WWOX: variants seen among roughly 807,000 people sequenced by gnomAD.
The protein encoded by WWOX is WW domain containing oxidoreductase.
A neutral mutation model predicts 46.2 loss-of-function variants in WWOX; 69 were observed. The observed-to-expected ratio is 1.49, with a 90% CI of 1.23 to 1.82. The LOEUF (loss-of-function observed/expected upper bound fraction) is 1.82. WWOX is among the 40% of genes most tolerant of loss of function. The pLI, the probability that WWOX is intolerant of heterozygous loss-of-function variation, is 0.00. For missense variants in WWOX, 919 were observed against 542.6 expected (o/e 1.69, Z -6.89); for synonymous variants, 359 against 202.6 (o/e 1.77, Z -6.56).
At chr16:78,770,636 G>A (rs570666984) in intron 8 of WWOX, among the ~76,000 whole-genome samples, 11 of 152,288 alleles carry the variant, frequency 7.2e-5, no homozygotes, top group African/African-American at 2.4e-4. Flanking sequence ...CTGCAGGGGT[G>A]GAGTGCCGGG....
chr16:79,132,744 A>C (rs2049906403), intron 8 of WWOX, among the ~76,000 whole-genome samples: 1 of 152,226 alleles, frequency 6.6e-6, no homozygotes, highest in Non-Finnish European at 1.5e-5. Flanking sequence ...AAGCACACTC[A>C]AGCCTCTTTA....
At chr16:79,057,755 A>C (rs74034330) in intron 8 of WWOX, among the ~76,000 whole-genome samples, 5,205 of 152,276 alleles carry the variant, frequency 0.034, 290 homozygotes, top group African/African-American at 0.12. Context: ...ATAGGTGGTC[A>C]AGAATTTAGA....
At chr16:78,857,266 C>A (rs1018878992) in intron 8 of WWOX, among the ~76,000 whole-genome samples, 1 of 152,100 alleles carries the variant, frequency 6.6e-6, no homozygotes, top group Admixed American at 6.5e-5. Flanking sequence ...TGAAAAAATT[C>A]TCAACTTTAT....
At chr16:78,955,967 T>A (rs1049718224) in intron 8 of WWOX, among the ~76,000 whole-genome samples, 2 of 150,642 alleles carry the variant, frequency 1.3e-5, no homozygotes, top group Non-Finnish European at 3.0e-5. Flanking sequence ...CTTTTCACTT[T>A]AGAAAAAAAC....
intron 5 of WWOX, among the ~76,000 whole-genome samples, chr16:78,334,819 CACACACACACACAT>C (rs1385493038): frequency 0.067 from 6,107 of 90,796 alleles, 251 homozygotes; most frequent in African/African-American, 0.16. Context: ...CACACACACA[CACACACACACACAT>C]ACACACACAC....
chr16:78,950,417 T>C (rs1226539194), intron 8 of WWOX, among the ~76,000 whole-genome samples: 1 of 152,034 alleles, frequency 6.6e-6, no homozygotes, highest in African/African-American at 2.4e-5. Flanking sequence ...CTTTTTTGCC[T>C]TGTCAGCTCC....
intron 8 of WWOX, among the ~76,000 whole-genome samples, chr16:78,920,352 T>C (rs1336830408): frequency 6.6e-6 from 1 of 152,150 alleles, no homozygotes; most frequent in Non-Finnish European, 1.5e-5. Context: ...CACAATAACA[T>C]TGTCTCCCAT....
chr16:78,346,113 A>C (rs934617742), intron 5 of WWOX, among the ~76,000 whole-genome samples: 1 of 121,324 alleles, frequency 8.2e-6, no homozygotes, highest in East Asian at 1.9e-4. Flanking sequence ...AATTTTAGAT[A>C]AGTGAAGTTT....
chr16:78,578,282 A>ATTTTTTTTTTTTTTTTTT lies in WWOX; in HGVS notation c.1056+145531_1056+145532insTTTTTTTTTTTTTTTTTT, dbSNP rs1227489730. Among the ~76,000 whole-genome samples, 2 of 34,218 alleles carry ATTTTTTTTTTTTTTTTTT rather than the reference A, an allele frequency of 5.8e-5. 1 individual carries two copies. The highest frequency in any genetic ancestry group is 2.8e-4 in the African/African-American group (2 of 7,108). The allele number at this position is 34,218 out of a possible 152,430, so 22.4% of individuals were successfully genotyped here. ...TATATATATATATATATATATATAT[A>ATTTTTTTTTTTTTTTTTT]TATTTTTTTTTTTTTTTTTTTTTTT... is the stretch of plus-strand genomic sequence containing the variant. On this transcript the variant is annotated intron_variant, in intron 8 of 8. Coordinates refer to ENST00000566780, the MANE Select transcript of WWOX (RefSeq NM_016373.4).
chr16:78,643,203 G>A (rs1278007082), intron 8 of WWOX, among the ~76,000 whole-genome samples: 1 of 152,184 alleles, frequency 6.6e-6, no homozygotes. Flanking sequence ...CCCTCTTAAT[G>A]TCTAAGAAGT....
chr16:79,172,217 C>T (rs1167620614), intron 8 of WWOX, among the ~76,000 whole-genome samples: 1 of 152,180 alleles, frequency 6.6e-6, no homozygotes, highest in East Asian at 1.9e-4. Context: ...TGTTTTATTT[C>T]CCCACTTGGC....
intron 5 of WWOX, among the ~76,000 whole-genome samples, chr16:78,258,794 A>G (rs1455670431): frequency 1.3e-5 from 2 of 150,592 alleles, no homozygotes; most frequent in African/African-American, 4.9e-5. Context: ...TCCTCATATT[A>G]TCTTGACCTT....
intron 8 of WWOX, among the ~76,000 whole-genome samples, chr16:78,556,268 A>G (rs954471510): frequency 6.6e-6 from 1 of 151,988 alleles, no homozygotes; most frequent in African/African-American, 2.4e-5. Context: ...CTCTAAAAAA[A>G]AAAAAAAAGA....
chr16:78,725,095 C>T (rs946386175), intron 8 of WWOX, among the ~76,000 whole-genome samples: 2 of 151,934 alleles, frequency 1.3e-5, no homozygotes, highest in African/African-American at 4.8e-5. Flanking sequence ...GGGGTGGTTC[C>T]CCCATACTGT....
intron 8 of WWOX, among the ~76,000 whole-genome samples, chr16:78,683,680 G>A (rs902274330): frequency 6.6e-6 from 1 of 152,144 alleles, no homozygotes; most frequent in Admixed American, 6.5e-5. Flanking sequence ...GGGATTACAG[G>A]CACGAGCTGC....
intron 8 of WWOX, among the ~76,000 whole-genome samples, chr16:78,953,993 G>A (rs2046114954): frequency 6.6e-6 from 1 of 152,220 alleles, no homozygotes; most frequent in Non-Finnish European, 1.5e-5. Flanking sequence ...ACAAAAAGAT[G>A]AACAACACGT....
intron 1 of WWOX, among the ~76,000 whole-genome samples, chr16:78,106,933 C>T (rs77002264): frequency 0.1 from 15,191 of 152,178 alleles, 982 homozygotes; most frequent in South Asian, 0.21. Context: ...CTCAGGTCTT[C>T]AGCGTGCTGA....
chr16:79,110,565 G>A (rs1272451461), intron 8 of WWOX: 1 of 152,164 alleles, frequency 6.6e-6, no homozygotes, highest in African/African-American at 2.4e-5. Flanking sequence ...TTGTCCCTGT[G>A]TGAAGGAAGA....
intron 8 of WWOX, among the ~76,000 whole-genome samples, chr16:78,932,278 C>T (rs562404921): frequency 2.0e-5 from 3 of 152,222 alleles, no homozygotes; most frequent in South Asian, 4.2e-4. Context: ...TGGTCCTGTC[C>T]GCAAACAGAG....
Sources: allele counts gnomAD v4.1 joint callset (sites outside exome capture counted in the v4.1 genomes callset), GRCh38; gene constraint gnomAD v4.1.1; transcripts MANE v1.5; gene names NCBI Gene and HGNC (gene_info 2026-07-23, HGNC 2026-07-21).